ZER1: variants seen among roughly 807,000 people sequenced by gnomAD.
ZER1 encodes zyg-11 related cell cycle regulator.
A neutral mutation model predicts 78.8 loss-of-function variants in ZER1; 11 were observed. That is an observed-to-expected ratio of 0.14 (90% confidence interval 0.09 to 0.23). The LOEUF (loss-of-function observed/expected upper bound fraction) is 0.23, where lower values mean the gene tolerates loss of function less well. Among genes scored for constraint, ZER1 ranks in the 10% least tolerant of loss-of-function variants. ZER1 has a pLI of 1.00. For missense variants in ZER1, 588 were observed against 996.9 expected (o/e 0.59, Z 5.52); for synonymous variants, 400 against 407.0 (o/e 0.98, Z 0.21).
At chr9:128,734,860 T>C (rs1251234681) in intron 14 of ZER1, among the ~76,000 whole-genome samples, 2 of 151,924 alleles carry the variant, frequency 1.3e-5, no homozygotes, top group South Asian at 4.1e-4. Flanking sequence ...TTTTTTTTTT[T>C]CATGCAGACA....
chr9:128,741,698 G>A (rs778886635), intron 10 of ZER1, 44 bp from the exon 11 acceptor site: 1 of 1,613,992 alleles, frequency 6.2e-7, no homozygotes, highest in South Asian at 1.1e-5. Context: ...CTGGTACCCG[G>A]GGAGGGGGGC....
chr9:128,737,869 A>ATT (rs1228259736), intron 13 of ZER1, among the ~76,000 whole-genome samples: 1 of 149,996 alleles, frequency 6.7e-6, no homozygotes, highest in Non-Finnish European at 1.5e-5. Flanking sequence ...TGCCTGGCTA[A>ATT]TTTTTGTATT....
chr9:128,741,936 G>A, intron 9 of ZER1, 95 bp from the exon 10 acceptor site: 2 of 1,514,018 alleles, frequency 1.3e-6, no homozygotes, highest in South Asian at 1.1e-5. Flanking sequence ...CAACGCCATG[G>A]CTAGTTCAGG....
At chr9:128,752,083 A>T (rs1368316939) in intron 5 of ZER1, among the ~76,000 whole-genome samples, 1 of 152,182 alleles carries the variant, frequency 6.6e-6, no homozygotes, top group Non-Finnish European at 1.5e-5. Flanking sequence ...TCCCTCTGCT[A>T]GAACACGCTT....
chr9:128,739,835 G>T, intron 13 of ZER1, 96 bp downstream of exon 13: 3 of 1,435,864 alleles, frequency 2.1e-6, no homozygotes, highest in Non-Finnish European at 2.8e-6. Flanking sequence ...CCAGAAGGAA[G>T]GTGGGAGCTC....
At chr9:128,767,115 G>A (rs920770350) in intron 1 of ZER1, among the ~76,000 whole-genome samples, 2 of 133,200 alleles carry the variant, frequency 1.5e-5, no homozygotes, top group Admixed American at 7.8e-5. Flanking sequence ...GCTAATTTTT[G>A]TATTTTTAGT....
At chr9:128,749,642 G>A (rs1264561758) in intron 8 of ZER1, among the ~76,000 whole-genome samples, 6 of 151,704 alleles carry the variant, frequency 4.0e-5, no homozygotes. Context: ...AGGTGTGGTG[G>A]CATGCACCTG....
rs1249190975 is a variant in ZER1 at position 128,731,155 on chromosome 9, T to C, written c.*182A>G. The C allele has an allele frequency of 5.3e-5, 13 of 243,450 alleles. No individual in the cohort carries two copies. The East Asian group carries it at 1.0e-3, about 20-fold the overall frequency. The allele number at this position is 243,450 out of a possible 1,614,324, so 15.1% of individuals were successfully genotyped here. On this transcript the variant is annotated 3_prime_UTR_variant, in exon 16 of 16. Transcript: ENST00000291900. ...ACACTTCCTAACCAAAAAAAAAATA[T>C]ATATATATAATATATATATATCTCA... is the stretch of plus-strand genomic sequence containing the variant.
At chr9:128,748,878 T>G (rs2132435446) in intron 8 of ZER1, among the ~76,000 whole-genome samples, 1 of 149,014 alleles carries the variant, frequency 6.7e-6, no homozygotes, top group East Asian at 2.0e-4. Context: ...AGCTAATTTT[T>G]GTATTTTTTA....
In ZER1 at chr9:128,742,599, C is replaced by T; in HGVS notation, c.1506G>A (p.Leu502=). Residue 502 remains leucine (L), a synonymous_variant, in exon 9 of 16, where the codon CTG becomes CTA. Coordinates refer to ENST00000291900, the MANE Select transcript of ZER1 (RefSeq NM_006336.4). ...DESIQRIAVH[L]CNALVCQVDN... ...CTACCTGGCAGACCAGGGCATTGCACAGGTGCACGGCGATCCGCTGGATAG... is the reference window on the plus strand; with the variant it reads ...CTACCTGGCAGACCAGGGCATTGCATAGGTGCACGGCGATCCGCTGGATAG... 1 of 1,614,254 alleles carries T rather than the reference C, an allele frequency of 6.2e-7. No individual in the cohort carries two copies. Among genetic ancestry groups the T allele is most frequent in the Non-Finnish European group, 8.5e-7 (1 of 1,180,056 alleles).
chr9:128,738,027 A>ATTTATT (rs1159024229), intron 13 of ZER1, among the ~76,000 whole-genome samples: 7 of 109,952 alleles, frequency 6.4e-5, no homozygotes, highest in Admixed American at 1.8e-4. Context: ...TGTTTTTTTT[A>ATTTATT]TTCATTTTTA....
chr9:128,765,242 C>T (rs1864170846), intron 1 of ZER1, among the ~76,000 whole-genome samples: 1 of 150,608 alleles, frequency 6.6e-6, no homozygotes, highest in Admixed American at 6.6e-5. Context: ...CACACACACA[C>T]ACACACACGT....
At position 128,754,654 on chromosome 9, in the gene ZER1, C is replaced by T. The variant is rs1013648740; in HGVS notation, c.159-695G>A. On this transcript the variant is annotated intron_variant, in intron 2 of 15. Transcript: ENST00000291900. This position sits in a 1 kb window ranked among gnomAD's most constrained non-coding sequence, Gnocchi z 4.3. ...CCACACAGGCTTCTAGTTTCCTATG[C>T]AGCTGTCTAATAATTTCCCTTCTGG... Among the ~76,000 whole-genome samples, 1 of 152,092 alleles carries T rather than the reference C, an allele frequency of 6.6e-6. No homozygotes were observed. Among genetic ancestry groups the T allele is most frequent in the African/African-American group, 2.4e-5 (1 of 41,430 alleles).
Position 128,754,771 on chromosome 9 carries a change from G to A in ZER1, c.158+637C>T, listed in dbSNP as rs1345051073. On this transcript the variant is annotated intron_variant, in intron 2 of 15. Transcript: ENST00000291900. This position sits in a 1 kb window ranked among gnomAD's most constrained non-coding sequence, Gnocchi z 4.3. ...ATTTCTGGTCTCAAGTGATCCTCCT[G>A]TCTTGGCTTCCCAAAATGCTGGAAT... is the stretch of plus-strand genomic sequence containing the variant. 6.6e-6 allele frequency among the ~76,000 whole-genome samples: 1 copy of A among 151,354 alleles called. No homozygotes were observed. Among genetic ancestry groups the A allele is most frequent in the Non-Finnish European group, 1.5e-5 (1 of 67,928 alleles).
In ZER1 at chr9:128,770,762, G is replaced by C. The variant is rs554946820; in HGVS notation, c.-95+819C>G. On this transcript the variant is annotated intron_variant, in intron 1 of 15. Coordinates refer to ENST00000291900, the MANE Select transcript of ZER1 (RefSeq NM_006336.4). ...CTCCCGTGACCCTTTTCAAGGCTATGCTTTTATGCTCATCCTAACCAGTTT... is the reference window on the plus strand; with the variant it reads ...CTCCCGTGACCCTTTTCAAGGCTATCCTTTTATGCTCATCCTAACCAGTTT... Among the ~76,000 whole-genome samples, 4 of 152,298 alleles carry C rather than the reference G, an allele frequency of 2.6e-5. No homozygotes were observed. In the East Asian group the frequency reaches 7.7e-4, roughly 29 times the overall value.
chr9:128,756,600 A>C (rs950312570), intron 1 of ZER1, among the ~76,000 whole-genome samples: 3 of 152,244 alleles, frequency 2.0e-5, no homozygotes, highest in African/African-American at 7.2e-5. Flanking sequence ...ATAATGTTGG[A>C]CCTTGAAAAC....
intron 13 of ZER1, among the ~76,000 whole-genome samples, chr9:128,738,667 G>C (rs952066348): frequency 6.6e-6 from 1 of 151,794 alleles, no homozygotes; most frequent in Non-Finnish European, 1.5e-5. Context: ...TTACGGGTGT[G>C]AGCCACCGCG....
At chr9:128,765,721 C>T (rs999289902) in intron 1 of ZER1, among the ~76,000 whole-genome samples, 1 of 152,180 alleles carries the variant, frequency 6.6e-6, no homozygotes, top group African/African-American at 2.4e-5. Context: ...AGGCTAGACG[C>T]TTTCCAGGAG....
chr9:128,753,835 G>T lies in ZER1; in HGVS notation c.283C>A (p.Gln95Lys), dbSNP rs1329934799. The T allele has an allele frequency of 6.3e-7, 1 of 1,599,926 alleles. No homozygotes were observed. The highest frequency in any genetic ancestry group is 8.5e-7 in the Non-Finnish European group (1 of 1,174,248). The part of the protein sequence containing the change: ...IHLREDLVQD[Q>K]DLEAIRKQDL... ...TGCTTGCGGATGGCCTCCAGGTCCTGGTCCTGCACCAGGTCCTCACGGAGG... is the reference window on the plus strand; with the variant it reads ...TGCTTGCGGATGGCCTCCAGGTCCTTGTCCTGCACCAGGTCCTCACGGAGG... The change falls in exon 3 of 16, where the codon CAG becomes AAG. Residue 95 changes from glutamine to lysine, a missense_variant. By Grantham distance (53) the Gln-to-Lys change is moderately conservative. This residue lies in a region of ZER1 where 406 missense variants were observed against 660.1 expected (regional missense o/e 0.62). Transcript: ENST00000291900. This position sits in a 1 kb window ranked among gnomAD's most constrained non-coding sequence, Gnocchi z 7.5.
Sources: allele counts gnomAD v4.1 joint callset (sites outside exome capture counted in the v4.1 genomes callset), GRCh38; gene constraint gnomAD v4.1.1; regional missense constraint gnomAD v4.1.1; non-coding constraint Gnocchi (gnomAD v3.1); transcripts MANE v1.5; gene names NCBI Gene and HGNC (gene_info 2026-07-23, HGNC 2026-07-21).